INTS1: variants seen among roughly 807,000 people sequenced by gnomAD.
INTS1 encodes the protein integrator complex subunit 1.
In INTS1, 137 loss-of-function variants were observed where a neutral mutation model predicts 241.6. The observed-to-expected ratio is 0.57, with a 90% CI of 0.49 to 0.65. The LOEUF (loss-of-function observed/expected upper bound fraction) is 0.65, where lower values mean the gene tolerates loss of function less well. Ranked by LOEUF, INTS1 falls within the 30% of genes least tolerant of loss-of-function variation. INTS1 has a pLI of 0.00. For missense variants in INTS1, 3,073 were observed against 3,032.2 expected (o/e 1.01, Z -0.32); for synonymous variants, 1,692 against 1,337.8 (o/e 1.26, Z -5.78).
At position 1,482,547 on chromosome 7, in the gene INTS1, G is replaced by A. The variant is rs201306145; in HGVS notation, c.3702C>T (p.Ala1234=). 38 of 1,606,666 alleles carry A rather than the reference G, an allele frequency of 2.4e-5. No individual in the cohort carries two copies. The highest frequency in any genetic ancestry group is 2.0e-4 in the African/African-American group (15 of 74,916). ...GCCCAAGCCCAGCCTGGACCGTACC[G>A]GCGTCCACCAGGCGGAGCACCTCAG... ...IRSEVLRLVD[A]ALQDLEPQQL... Residue 1234 remains alanine (A), a splice_region_variant and synonymous_variant, in exon 27 of 48, where the codon GCC becomes GCT. Coordinates refer to ENST00000404767, the MANE Select transcript of INTS1 (RefSeq NM_001080453.3).
chr7:1,479,123 G>T (rs568633711), intron 31 of INTS1, among the ~76,000 whole-genome samples: 5 of 152,230 alleles, frequency 3.3e-5, no homozygotes, highest in Non-Finnish European at 7.3e-5. Context: ...GCGGTTCAAA[G>T]GAAAAAGTAA....
rs764463716 is a variant in INTS1 at position 1,499,140 on chromosome 7, G to A, written c.972C>T (p.Ser324=). ...LMPRYEELAE[S]VEEYVLDMLR... is the part of the protein sequence containing the mutation. Reference sequence around the variant, plus strand: ...GCATGTCCAGGACATACTCCTCCACGCTCTCCGCGAGCTCTTCGTACCTAG... The same window carrying A: ...GCATGTCCAGGACATACTCCTCCACACTCTCCGCGAGCTCTTCGTACCTAG... The change falls in exon 8 of 48, where the codon AGC becomes AGT. Residue 324 remains serine, a synonymous_variant. Transcript: ENST00000404767. 9 of 1,610,786 alleles carry A rather than the reference G, an allele frequency of 5.6e-6. No homozygotes were observed. Among genetic ancestry groups the A allele is most frequent in the East Asian group, 4.5e-5 (2 of 44,808 alleles).
Position 1,498,647 on chromosome 7 carries a change from C to T in INTS1, c.1283+60G>A, listed in dbSNP as rs545339090. 1,043 of 1,524,268 alleles carry T rather than the reference C, an allele frequency of 6.8e-4. 2 individuals carry two copies. Among genetic ancestry groups the T allele is most frequent in the Non-Finnish European group, 4.9e-4 (561 of 1,135,596 alleles). 94.4% of individuals were successfully genotyped at this position (1,524,268 alleles called of 1,614,324 possible). On this transcript the variant is annotated intron_variant, in intron 9 of 47. Coordinates refer to ENST00000404767, the MANE Select transcript of INTS1 (RefSeq NM_001080453.3). ...TCCGCCCGCACCCCCGCTCCGCCCA[C>T]ACCCCCACCCACACCCCCACTCCAC...
In INTS1 at chr7:1,487,776, T is replaced by C. The variant is rs1782344221; in HGVS notation, c.2500A>G (p.Thr834Ala). ...GCTGCGTACTGGGGGTCCAGGCTGGTGAGCTGCGACAGGAGGAGGCTGCTG... is the reference window on the plus strand; with the variant it reads ...GCTGCGTACTGGGGGTCCAGGCTGGCGAGCTGCGACAGGAGGAGGCTGCTG... ...ESSSLLLSQL[T>A]SLDPQGPPRR... The change falls in exon 19 of 48, where the codon ACC becomes GCC. Residue 834 changes from threonine (T) to alanine (A), a missense_variant. Coordinates refer to ENST00000404767, the MANE Select transcript of INTS1 (RefSeq NM_001080453.3). 1.2e-6 allele frequency: 2 copies of C among 1,608,854 alleles called. No individual in the cohort carries two copies. The highest frequency in any genetic ancestry group is 1.7e-5 in the Admixed American group (1 of 59,974).
chr7:1,482,533 G>T lies in INTS1; in HGVS notation c.3703+13C>A. The T allele has an allele frequency of 6.3e-7, 1 of 1,599,230 alleles. No homozygotes were observed. Among genetic ancestry groups the T allele is most frequent in the East Asian group, 2.2e-5 (1 of 44,570 alleles). ...AGTCAGCAGCCCCTGCCCAAGCCCA[G>T]CCTGGACCGTACCGGCGTCCACCAG... On this transcript the variant is annotated intron_variant, in intron 27 of 47. Coordinates refer to ENST00000404767, the MANE Select transcript of INTS1 (RefSeq NM_001080453.3).
intron 16 of INTS1, among the ~76,000 whole-genome samples, chr7:1,491,829 T>C (rs1782562961): frequency 1.3e-5 from 2 of 152,112 alleles, no homozygotes; most frequent in African/African-American, 4.8e-5. Flanking sequence ...GCCAGGGAGG[T>C]TGAGGCTGCA....
intron 27 of INTS1, 133 bp downstream of exon 27, chr7:1,482,412 CA>C: frequency 2.4e-6 from 2 of 829,722 alleles, no homozygotes; most frequent in Non-Finnish European, 3.6e-6. Context: ...ATATGGTCTG[CA>C]GGATCCCCTG....
At position 1,503,034 on chromosome 7, in the gene INTS1, G is replaced by A. The variant is rs770579961; in HGVS notation, c.216C>T (p.Thr72=). 1.1e-5 allele frequency: 17 copies of A among 1,613,630 alleles called. No homozygotes were observed. In the Admixed American group the frequency reaches 1.2e-4, roughly 11 times the overall value. ...AGAGTTTGGGGCGTTTGGTGAGACCGGTGAGGGCCGAGGCACTGGACAACG... is the reference window on the plus strand; with the variant it reads ...AGAGTTTGGGGCGTTTGGTGAGACCAGTGAGGGCCGAGGCACTGGACAACG... The part of the protein sequence containing the change: ...AAALSSASAL[T]GLTKRPKLSS... The change falls in exon 3 of 48, where the codon ACC becomes ACT. Residue 72 remains threonine (T), a synonymous_variant. Coordinates refer to ENST00000404767, the MANE Select transcript of INTS1 (RefSeq NM_001080453.3).
At chr7:1,474,090 CGCGA>C in intron 41 of INTS1, 74 bp downstream of exon 41, 2 of 1,430,798 alleles carry the variant, frequency 1.4e-6, no homozygotes, top group Non-Finnish European at 1.8e-6. Context: ...CCAGTCCCTC[CGCGA>C]GTGGGTGAGG....
chr7:1,476,434 G>A lies in INTS1; in HGVS notation c.5173C>T (p.Leu1725=), dbSNP rs1341410842. 3.8e-6 allele frequency: 6 copies of A among 1,567,574 alleles called. No homozygotes were observed. Among genetic ancestry groups the A allele is most frequent in the African/African-American group, 2.7e-5 (2 of 73,860 alleles). The change falls in exon 38 of 48, where the codon CTG becomes TTG. Residue 1725 remains leucine (L), a synonymous_variant. Coordinates refer to ENST00000404767, the MANE Select transcript of INTS1 (RefSeq NM_001080453.3). ...ATGAGCTCCGGGCCCTGGACCCGCA[G>A]CACCAGCTCCTCCCGCCGCTTCTGT... ...TPQKRREELV[L]RVQGPELISL...
Position 1,493,618 on chromosome 7 carries a change from G to A in INTS1, c.2068+136C>T, listed in dbSNP as rs970055118. On this transcript the variant is annotated intron_variant, in intron 15 of 47. Transcript: ENST00000404767. This position sits in a 1 kb window ranked among gnomAD's most constrained non-coding sequence, Gnocchi z 5.3. ...GCAGATGTGGAGAAGGCAGGTCCCC[G>A]AGCCTCCCGGGGACCCAGGACCCAG... The A allele has an allele frequency of 3.4e-5, 40 of 1,173,060 alleles. 1 individual carries two copies. Among genetic ancestry groups the A allele is most frequent in the Non-Finnish European group, 3.7e-5 (32 of 867,478 alleles). 72.7% of individuals were successfully genotyped at this position (1,173,060 alleles called of 1,614,324 possible). A position where few individuals can be genotyped will look rare whatever the true frequency, so the allele number is the denominator to read the frequency against.
chr7:1,483,065 G>C, intron 26 of INTS1: 1 of 262,504 alleles, frequency 3.8e-6, no homozygotes, highest in South Asian at 5.4e-5. Context: ...ACAGGCCCAG[G>C]CCCACACAGG....
intron 27 of INTS1, 179 bp downstream of exon 27, chr7:1,482,367 T>G (rs1448643827): frequency 1.8e-6 from 1 of 544,984 alleles, no homozygotes; most frequent in Non-Finnish European, 3.1e-6. Context: ...CTAGGTCTCC[T>G]CCCAGGGTCC....
chr7:1,471,229 C>A lies in INTS1; in HGVS notation c.6256-5G>T, dbSNP rs370540456. On this transcript the variant is annotated splice_polypyrimidine_tract_variant and splice_region_variant and intron_variant, in intron 45 of 47. Coordinates refer to ENST00000404767, the MANE Select transcript of INTS1 (RefSeq NM_001080453.3). Reference sequence around the variant, plus strand: ...CATCAGCCGCTGCAGGTTGGTCTGACCGGGGGAAAGGTGGGAGGTGTGTGA... The same window carrying A: ...CATCAGCCGCTGCAGGTTGGTCTGAACGGGGGAAAGGTGGGAGGTGTGTGA... The A allele has an allele frequency of 7.0e-6, 11 of 1,572,326 alleles. No homozygotes were observed. The highest frequency in any genetic ancestry group is 9.5e-6 in the Non-Finnish European group (11 of 1,160,266).
intron 2 of INTS1, among the ~76,000 whole-genome samples, chr7:1,503,508 G>C (rs1783302628): frequency 1.3e-5 from 2 of 152,238 alleles, no homozygotes; most frequent in Non-Finnish European, 2.9e-5. Flanking sequence ...AAGGGACACA[G>C]AGAGGTTAAG....
At chr7:1,471,097 C>G (rs781654674) in intron 46 of INTS1, 36 bp downstream of exon 46, 4 of 1,541,164 alleles carry the variant, frequency 2.6e-6, no homozygotes, top group Non-Finnish European at 2.6e-6. Flanking sequence ...CAGGGCCCAG[C>G]GGTGGCGGCG....
intron 3 of INTS1, chr7:1,500,800 CCT>C (rs1469358941): frequency 6.0e-6 from 1 of 167,178 alleles, no homozygotes; most frequent in East Asian, 1.7e-4. Flanking sequence ...ACTTTTCCTC[CCT>C]CTTTCCATGG....
chr7:1,500,409 G>C (rs1783114218), intron 3 of INTS1, 43 bp from the exon 4 acceptor site: 2 of 1,493,372 alleles, frequency 1.3e-6, no homozygotes, highest in South Asian at 1.3e-5. Context: ...GCCAGGGCAG[G>C]GTCACCCCAA....
chr7:1,496,117 C>A (rs765575862), intron 12 of INTS1, 39 bp downstream of exon 12: 3 of 1,535,140 alleles, frequency 2.0e-6, no homozygotes, highest in Non-Finnish European at 2.7e-6. Context: ...GGACCCGAGA[C>A]CCCCACCAAG....
Sources: gnomAD v4.1 joint callset for allele counts (sites outside exome capture counted in the v4.1 genomes callset) on GRCh38, gnomAD v4.1.1 for gene constraint, Gnocchi (gnomAD v3.1) non-coding constraint, MANE v1.5 for transcripts, NCBI Gene and HGNC (gene_info 2026-07-23, HGNC 2026-07-21) for gene names.